PACRG: variants seen among roughly 807,000 people sequenced by gnomAD.
PACRG encodes parkin coregulated gene protein.
PACRG carries 29 observed loss-of-function variants against 29.7 expected under a neutral mutation model. The observed-to-expected ratio is 0.98, with a 90% CI of 0.73 to 1.33. The LOEUF (loss-of-function observed/expected upper bound fraction) is 1.33, where lower values mean the gene tolerates loss of function less well. Ranked by LOEUF, PACRG falls within the 40% of genes most tolerant of loss-of-function variation. The pLI is 0.00. For missense variants in PACRG, 279 were observed against 316.2 expected (o/e 0.88, Z 0.89); for synonymous variants, 116 against 118.7 (o/e 0.98, Z 0.15).
intron 4 of PACRG, among the ~76,000 whole-genome samples, chr6:163,203,306 A>G (rs1345210925): frequency 1.3e-5 from 2 of 152,138 alleles, no homozygotes; most frequent in Non-Finnish European, 2.9e-5. Flanking sequence ...CCAGCTACTC[A>G]GGAGGCTGAG....
chr6:162,995,953 C>G (rs1804001472), intron 2 of PACRG, among the ~76,000 whole-genome samples: 2 of 152,112 alleles, frequency 1.3e-5, no homozygotes, highest in Non-Finnish European at 2.9e-5. Context: ...AATATATACC[C>G]AGAATTGGGA....
chr6:163,173,578 C>G (rs373285416), intron 4 of PACRG, among the ~76,000 whole-genome samples: 1 of 152,340 alleles, frequency 6.6e-6, no homozygotes, highest in East Asian at 1.9e-4. Flanking sequence ...AAGGTGGGCT[C>G]GTCCTCACTG....
chr6:163,259,802 G>A (rs931441656), intron 4 of PACRG, among the ~76,000 whole-genome samples: 7 of 152,140 alleles, frequency 4.6e-5, no homozygotes, highest in African/African-American at 1.2e-4. Context: ...TCTCCAGGCT[G>A]GGTCTCAGGG....
At chr6:162,787,444 C>A (rs1784544323) in intron 1 of PACRG, among the ~76,000 whole-genome samples, 2 of 150,486 alleles carry the variant, frequency 1.3e-5, no homozygotes, top group South Asian at 4.2e-4. Flanking sequence ...CACACATATA[C>A]ACACATGATA....
chr6:163,237,536 A>G (rs765045746), intron 4 of PACRG, among the ~76,000 whole-genome samples: 17 of 152,230 alleles, frequency 1.1e-4, no homozygotes, highest in Non-Finnish European at 2.4e-4. Context: ...GTTGAAAATG[A>G]ATGTAAGGCC....
intron 4 of PACRG, among the ~76,000 whole-genome samples, chr6:163,250,394 G>A (rs112601243): frequency 6.9e-4 from 105 of 152,222 alleles, no homozygotes; most frequent in Non-Finnish European, 1.1e-3. Context: ...CCCATGCACC[G>A]GAGTTCTGCT....
intron 2 of PACRG, chr6:162,997,327 A>G: frequency 2.4e-6 from 1 of 410,368 alleles, no homozygotes; most frequent in South Asian, 1.8e-5. Context: ...AAAAAGTAAG[A>G]AAGCCAAAGT....
At chr6:162,934,864 A>C (rs1798120829) in intron 2 of PACRG, among the ~76,000 whole-genome samples, 1 of 152,190 alleles carries the variant, frequency 6.6e-6, no homozygotes, top group African/African-American at 2.4e-5. Flanking sequence ...TTGTAGCACT[A>C]GTCTAGTGGT....
intron 4 of PACRG, among the ~76,000 whole-genome samples, chr6:163,096,850 T>C (rs542711): frequency 0.29 from 44,429 of 152,104 alleles, 6,781 homozygotes; most frequent in East Asian, 0.51. Context: ...GTTAATATCA[T>C]AATTAACATC....
chr6:162,727,368 A>C, upstream of PACRG: 1 of 421,014 alleles, frequency 2.4e-6, no homozygotes, highest in East Asian at 5.0e-5. Context: ...GGTCCGGGGG[A>C]CCGCGAACGA....
intron 2 of PACRG, among the ~76,000 whole-genome samples, chr6:163,037,305 T>C (rs1808293523): frequency 6.6e-6 from 1 of 152,094 alleles, no homozygotes; most frequent in Non-Finnish European, 1.5e-5. Flanking sequence ...CAGAGCAGAG[T>C]GTCTGCAATC....
At chr6:162,994,101 C>T (rs879977354) in intron 2 of PACRG, among the ~76,000 whole-genome samples, 2 of 135,204 alleles carry the variant, frequency 1.5e-5, no homozygotes, top group South Asian at 2.3e-4. Context: ...GTGTTTCTGC[C>T]GAGAGATCCG....
chr6:162,917,715 C>T (rs898083671), intron 2 of PACRG, among the ~76,000 whole-genome samples: 1 of 152,086 alleles, frequency 6.6e-6, no homozygotes, highest in Non-Finnish European at 1.5e-5. Context: ...TGTGGCACTG[C>T]CGGAGTTCTG....
At chr6:162,783,992 G>A (rs1273279558) in intron 1 of PACRG, among the ~76,000 whole-genome samples, 1 of 151,832 alleles carries the variant, frequency 6.6e-6, no homozygotes, top group Non-Finnish European at 1.5e-5. Context: ...CTTATGAATT[G>A]GAAACAATTG....
intron 4 of PACRG, among the ~76,000 whole-genome samples, chr6:163,096,167 T>C (rs1814565657): frequency 6.6e-6 from 1 of 152,160 alleles, no homozygotes; most frequent in Admixed American, 6.5e-5. Flanking sequence ...TCTCTTCTTC[T>C]TCGGTAATGC....
At chr6:162,922,092 TG>T (rs1797104272) in intron 2 of PACRG, among the ~76,000 whole-genome samples, 1 of 151,888 alleles carries the variant, frequency 6.6e-6, no homozygotes, top group Non-Finnish European at 1.5e-5. Flanking sequence ...TCCCTTACTA[TG>T]AGTTGGTGCA....
chr6:162,778,824 G>A (rs1344272567), intron 1 of PACRG, among the ~76,000 whole-genome samples: 1 of 152,238 alleles, frequency 6.6e-6, no homozygotes, highest in African/African-American at 2.4e-5. Context: ...CGCTCAGAGC[G>A]AGCCTAGCGG....
At chr6:163,074,998 G>GTA (rs1052444692) in intron 3 of PACRG, among the ~76,000 whole-genome samples, 11 of 151,322 alleles carry the variant, frequency 7.3e-5, no homozygotes, top group South Asian at 2.1e-4. Flanking sequence ...GTCTCAAAAA[G>GTA]TATATATATA....
intron 4 of PACRG, among the ~76,000 whole-genome samples, chr6:163,313,070 T>C (rs1292192269): frequency 3.0e-4 from 46 of 151,746 alleles, no homozygotes; most frequent in Admixed American, 3.0e-3. Flanking sequence ...TCTCTCTCTC[T>C]CTCTCTGTTC....
Sources: gnomAD v4.1 joint callset for allele counts (sites outside exome capture counted in the v4.1 genomes callset) on GRCh38, gnomAD v4.1.1 for gene constraint, MANE v1.5 for transcripts, NCBI Gene and HGNC (gene_info 2026-07-23, HGNC 2026-07-21) for gene names.